The following ATG16L1 variants were observed in gnomAD, a reference collection of about 807,000 sequenced individuals.
ATG16L1 encodes the protein autophagy related 16 like 1, also known as autophagy-related protein 16-1.
In ATG16L1, 37 loss-of-function variants were observed where a neutral mutation model predicts 88.5. That is an observed-to-expected ratio of 0.42 (90% CI 0.32 to 0.55). The LOEUF is 0.55. Among genes scored for constraint, ATG16L1 ranks in the 20% least tolerant of loss-of-function variants. ATG16L1 has a pLI of 0.13. For missense variants in ATG16L1, 554 were observed against 752.8 expected (o/e 0.74, Z 3.09); for synonymous variants, 301 against 281.0 (o/e 1.07, Z -0.71).
At chr2:233,253,332 G>GTTTTTTTTTTTTTTTTTTTTTTT (rs570754671) in intron 1 of ATG16L1, among the ~76,000 whole-genome samples, 4 of 112,888 alleles carry the variant, frequency 3.5e-5, no homozygotes, top group African/African-American at 6.6e-5. Flanking sequence ...GTGAGACTGG[G>GTTTTTTTTTTTTTTTTTTTTTTT]TTTTTTTGTT....
intron 2 of ATG16L1, among the ~76,000 whole-genome samples, chr2:233,260,558 A>C (rs1405490457): frequency 1.3e-5 from 2 of 152,250 alleles, no homozygotes; most frequent in African/African-American, 4.8e-5. Flanking sequence ...AGTGGGCTCC[A>C]GGAATCTGTG....
chr2:233,292,696 A>G (rs1439303159), intron 16 of ATG16L1, among the ~76,000 whole-genome samples: 1 of 152,210 alleles, frequency 6.6e-6, no homozygotes, highest in Non-Finnish European at 1.5e-5. Flanking sequence ...CATTAGGTTC[A>G]CTTCTCATCA....
At chr2:233,253,739 C>G (rs1285713724) in intron 1 of ATG16L1, among the ~76,000 whole-genome samples, 1 of 152,102 alleles carries the variant, frequency 6.6e-6, no homozygotes, top group African/African-American at 2.4e-5. Context: ...TTTCACTGCA[C>G]CCATTGTTTT....
At chr2:233,267,146 C>T (rs1196662825) in intron 5 of ATG16L1, among the ~76,000 whole-genome samples, 1 of 152,126 alleles carries the variant, frequency 6.6e-6, no homozygotes, top group African/African-American at 2.4e-5. Context: ...GTTAGGAATT[C>T]GAGACCAGCC....
At chr2:233,256,517 A>T (rs184305044) in intron 2 of ATG16L1, among the ~76,000 whole-genome samples, 86 of 152,238 alleles carry the variant, frequency 5.6e-4, no homozygotes, top group Non-Finnish European at 1.1e-3. Flanking sequence ...AAATAATCAC[A>T]GACAAGTATT....
intron 12 of ATG16L1, among the ~76,000 whole-genome samples, chr2:233,285,866 C>T (rs963962778): frequency 6.6e-6 from 1 of 152,184 alleles, no homozygotes; most frequent in African/African-American, 2.4e-5. Flanking sequence ...TTGGGAGAGA[C>T]TGGCAAACAA....
chr2:233,253,104 T>A (rs1291305127), intron 1 of ATG16L1, among the ~76,000 whole-genome samples: 5 of 152,320 alleles, frequency 3.3e-5, no homozygotes. Context: ...TGTGTGAGAT[T>A]AAGCCTAGAA....
chr2:233,289,854 C>A lies in ATG16L1; in HGVS notation c.1204C>A (p.His402Asn). The A allele has an allele frequency of 6.2e-7, 1 of 1,614,126 alleles. No homozygotes were observed. Among genetic ancestry groups the A allele is most frequent in the South Asian group, 1.1e-5 (1 of 91,082 alleles). The change falls in exon 13 of 18, where the codon CAC becomes AAC. Residue 402 changes from histidine to asparagine, a missense_variant and splice_region_variant. This residue lies in a region of ATG16L1 where 370 missense variants were observed against 509.7 expected (regional missense o/e 0.73). Transcript: ENST00000392017. ...ACCCTGGCTGTGTTCTCTCTCCTAG[C>A]ACACACTCACGGGACACAGTGGGAA... ...IWTVDDYRLR[H>N]TLTGHSGKVL...
chr2:233,277,553 G>T lies in ATG16L1; in HGVS notation c.955-15G>T. Reference sequence around the variant, plus strand: ...TGAGAATGACTGGGTTTGACACAGGGTGCTTGTCTTGCAGGATGCACATGA... The same window carrying T: ...TGAGAATGACTGGGTTTGACACAGGTTGCTTGTCTTGCAGGATGCACATGA... On this transcript the variant is annotated splice_polypyrimidine_tract_variant and intron_variant, in intron 9 of 17. Coordinates refer to ENST00000392017, the MANE Select transcript of ATG16L1 (RefSeq NM_030803.7). 1 of 1,612,330 alleles carries T rather than the reference G, an allele frequency of 6.2e-7. No individual in the cohort carries two copies. Among genetic ancestry groups the T allele is most frequent in the Non-Finnish European group, 8.5e-7 (1 of 1,178,466 alleles).
chr2:233,273,555 C>T (rs1698131582), intron 7 of ATG16L1, 166 bp from the exon 8 acceptor site: 5 of 600,030 alleles, frequency 8.3e-6, no homozygotes, highest in Admixed American at 6.6e-5. Context: ...CTTTCCCTTC[C>T]CACTGTTTTC....
chr2:233,280,903 C>G (rs1698678997), intron 10 of ATG16L1, among the ~76,000 whole-genome samples: 2 of 152,222 alleles, frequency 1.3e-5, no homozygotes, highest in South Asian at 4.1e-4. Context: ...TCCACTTAGA[C>G]TTGCATTCCT....
intron 12 of ATG16L1, 88 bp from the exon 13 acceptor site, chr2:233,289,766 T>A: frequency 6.4e-7 from 1 of 1,556,942 alleles, no homozygotes. Context: ...ACACTCTGAC[T>A]CTGGAGGTAA....
At chr2:233,262,834 C>T (rs2125220555) in intron 2 of ATG16L1, among the ~76,000 whole-genome samples, 1 of 152,290 alleles carries the variant, frequency 6.6e-6, no homozygotes, top group South Asian at 2.1e-4. Context: ...CCTTGCTGAG[C>T]CAGTGGGCCC....
At chr2:233,254,371 G>T (rs565303451) in intron 1 of ATG16L1, among the ~76,000 whole-genome samples, 1 of 152,292 alleles carries the variant, frequency 6.6e-6, no homozygotes, top group South Asian at 2.1e-4. Flanking sequence ...TGACATTTAG[G>T]GAGATCATTT....
In ATG16L1 at chr2:233,263,191, A is replaced by C. The variant is rs1257199629; in HGVS notation, c.271A>C (p.Lys91Gln). The change falls in exon 3 of 18, where the codon AAG (lysine) becomes CAG (glutamine). Residue 91 changes from lysine (K) to glutamine (Q), a missense_variant. Physicochemically the swap from Lys to Gln is moderately conservative, Grantham distance 53. Around this residue, in one of 5 missense-constraint regions of ATG16L1, gnomAD observed 11 missense variants for 32.1 expected, o/e 0.34. Coordinates refer to ENST00000392017, the MANE Select transcript of ATG16L1 (RefSeq NM_030803.7). ...QLQEMAQLRI[K>Q]HQEELTELHK... ...ACAAGAAATGGCCCAACTGAGGATT[A>C]AGCACCAAGAGGAACTGACTGAATT... 6.2e-7 allele frequency: 1 copy of C among 1,614,134 alleles called. No individual in the cohort carries two copies. The highest frequency in any genetic ancestry group is 1.1e-5 in the South Asian group (1 of 91,070).
chr2:233,268,500 C>T (rs1260537216), intron 5 of ATG16L1, among the ~76,000 whole-genome samples: 1 of 152,160 alleles, frequency 6.6e-6, no homozygotes, highest in East Asian at 1.9e-4. Context: ...TGATGAATCC[C>T]TGATAACAGG....
At position 233,259,765 on chromosome 2, in the gene ATG16L1, C is replaced by A. The variant is rs573420605; in HGVS notation, c.210-3365C>A. ...TTCTTCCCTCTAGATCTTCCCATCT[C>A]CATATTCCTTTATTCCTCATATTCC... On this transcript the variant is annotated intron_variant, in intron 2 of 17. Coordinates refer to ENST00000392017, the MANE Select transcript of ATG16L1 (RefSeq NM_030803.7). Among the ~76,000 whole-genome samples the A allele has an allele frequency of 3.3e-5, 5 of 152,326 alleles. No homozygotes were observed. In the South Asian group the frequency reaches 1.0e-3, roughly 32 times the overall value.
At chr2:233,283,515 C>A (rs543633950) in intron 12 of ATG16L1, among the ~76,000 whole-genome samples, 3 of 151,040 alleles carry the variant, frequency 2.0e-5, no homozygotes, top group South Asian at 4.2e-4. Flanking sequence ...GTGTGTCAAC[C>A]CACACCAAAA....
intron 6 of ATG16L1, among the ~76,000 whole-genome samples, chr2:233,271,755 G>T (rs756452419): frequency 6.6e-6 from 1 of 152,172 alleles, no homozygotes; most frequent in Non-Finnish European, 1.5e-5. Flanking sequence ...ATTGTCAAAG[G>T]CTCAGCTCAT....
Sources: allele counts gnomAD v4.1 joint callset (sites outside exome capture counted in the v4.1 genomes callset), GRCh38; gene constraint gnomAD v4.1.1; regional missense constraint gnomAD v4.1.1; transcripts MANE v1.5; gene names NCBI Gene and HGNC (gene_info 2026-07-23, HGNC 2026-07-21).